Variants in TTC27 observed in about 807,000 individuals in gnomAD.
TTC27 encodes the protein tetratricopeptide repeat domain 27.
A neutral mutation model predicts 115.9 loss-of-function variants in TTC27; 79 were observed. The ratio of observed to expected loss-of-function variants is 0.68; its 90% CI spans 0.57 to 0.82. The LOEUF (loss-of-function observed/expected upper bound fraction) is 0.82, where lower values mean the gene tolerates loss of function less well. Among genes scored for constraint, TTC27 ranks in the 40% least tolerant of loss-of-function variants. The pLI is 0.00. For synonymous variants in TTC27, 401 were observed against 356.0 expected, an observed-to-expected ratio of 1.13 and a Z score of -1.42; for missense variants, 1,054 against 993.1, an observed-to-expected ratio of 1.06 and a Z score of -0.82.
At position 32,732,169 on chromosome 2, in the gene TTC27, A is replaced by G. The variant is rs1291902604; in HGVS notation, c.1234-1659A>G. 2.6e-5 allele frequency among the ~76,000 whole-genome samples: 4 copies of G among 152,348 alleles called. No homozygotes were observed. The East Asian group carries it at 7.7e-4, about 29-fold the overall frequency. ...TTATTTATGTATTGTAACCATATGT[A>G]TGCAGCCAGAAGTTATTCTTCTCTA... On this transcript the variant is annotated intron_variant, in intron 10 of 19. Transcript: ENST00000317907.
chr2:32,629,603 T>TG (rs1648818179), intron 1 of TTC27, among the ~76,000 whole-genome samples: 1 of 30,122 alleles, frequency 3.3e-5, no homozygotes, highest in Non-Finnish European at 7.1e-5. Context: ...ACCAGCTAAT[T>TG]TTTTTTTTTG....
chr2:32,746,667 G>A (rs1392718487), intron 12 of TTC27, among the ~76,000 whole-genome samples: 1 of 151,676 alleles, frequency 6.6e-6, no homozygotes, highest in African/African-American at 2.4e-5. Flanking sequence ...AAGATTTATG[G>A]CCATTCACAT....
chr2:32,719,025 A>G (rs1322660272), intron 10 of TTC27, among the ~76,000 whole-genome samples: 1 of 152,220 alleles, frequency 6.6e-6, no homozygotes, highest in African/African-American at 2.4e-5. Context: ...AGGCATCCAG[A>G]GGAGCTGGTA....
At chr2:32,734,070 C>T (rs902486245) in intron 11 of TTC27, 147 bp downstream of exon 11, 1 of 491,426 alleles carries the variant, frequency 2.0e-6, no homozygotes, top group Non-Finnish European at 3.5e-6. Context: ...TTGCTAACTA[C>T]TTCAAATTGC....
At chr2:32,740,493 A>G (rs576193467) in intron 12 of TTC27, among the ~76,000 whole-genome samples, 1 of 151,690 alleles carries the variant, frequency 6.6e-6, no homozygotes, top group African/African-American at 2.4e-5. Flanking sequence ...ATACAGTTTA[A>G]AAGATTTTCC....
chr2:32,708,177 T>G (rs1016398314), intron 10 of TTC27, among the ~76,000 whole-genome samples: 1 of 151,918 alleles, frequency 6.6e-6, no homozygotes, highest in African/African-American at 2.4e-5. Context: ...CTTTTGCTTC[T>G]CCTCCTCAGC....
At chr2:32,800,507 T>C (rs1410147371) in intron 16 of TTC27, among the ~76,000 whole-genome samples, 1 of 144,396 alleles carries the variant, frequency 6.9e-6, no homozygotes, top group African/African-American at 2.6e-5. Flanking sequence ...TTTTTATCAT[T>C]ATTTTTTTGA....
intron 15 of TTC27, among the ~76,000 whole-genome samples, chr2:32,785,174 G>C (rs952111618): frequency 6.6e-6 from 1 of 152,092 alleles, no homozygotes; most frequent in South Asian, 2.1e-4. Context: ...GTTGTCTTCT[G>C]TCATCTTACT....
intron 12 of TTC27, among the ~76,000 whole-genome samples, chr2:32,751,299 C>T (rs1669004851): frequency 6.8e-6 from 1 of 146,204 alleles, no homozygotes; most frequent in Non-Finnish European, 1.5e-5. Flanking sequence ...CACACACACA[C>T]ACATGCACAC....
At chr2:32,663,279 C>T (rs942166346) in intron 5 of TTC27, among the ~76,000 whole-genome samples, 4 of 152,190 alleles carry the variant, frequency 2.6e-5, no homozygotes, top group African/African-American at 9.7e-5. Flanking sequence ...CAGTTTTGTG[C>T]TTGAAACCCA....
chr2:32,778,206 T>C (rs1670062893), intron 14 of TTC27, among the ~76,000 whole-genome samples: 1 of 152,250 alleles, frequency 6.6e-6, no homozygotes, highest in Admixed American at 6.5e-5. Flanking sequence ...GTTAAAAATA[T>C]ACTTCACTGA....
At chr2:32,681,123 T>G (rs920885217) in intron 9 of TTC27, among the ~76,000 whole-genome samples, 2 of 152,162 alleles carry the variant, frequency 1.3e-5, no homozygotes. Flanking sequence ...GACCTCTTTT[T>G]GGAGGAAAGC....
intron 9 of TTC27, among the ~76,000 whole-genome samples, chr2:32,681,506 C>G (rs1461454337): frequency 6.6e-6 from 1 of 152,096 alleles, no homozygotes; most frequent in Non-Finnish European, 1.5e-5. Flanking sequence ...AAACAGCCCC[C>G]AACTTATGAA....
intron 9 of TTC27, among the ~76,000 whole-genome samples, chr2:32,695,308 G>C (rs754298005): frequency 6.6e-6 from 1 of 152,124 alleles, no homozygotes; most frequent in South Asian, 2.1e-4. Flanking sequence ...TGTAGGCCAG[G>C]TGTGGTGACT....
intron 10 of TTC27, among the ~76,000 whole-genome samples, chr2:32,710,110 A>G (rs1160353309): frequency 6.6e-6 from 1 of 152,012 alleles, no homozygotes; most frequent in Non-Finnish European, 1.5e-5. Flanking sequence ...CTGTGTCTTG[A>G]GTTCAAGTGA....
At chr2:32,819,087 A>C (rs1464286873) in intron 19 of TTC27, among the ~76,000 whole-genome samples, 1 of 152,218 alleles carries the variant, frequency 6.6e-6, no homozygotes, top group Non-Finnish European at 1.5e-5. Context: ...ATCTAATCAA[A>C]GTAGTTTACT....
chr2:32,637,680 A>T (rs1664480562), intron 3 of TTC27, among the ~76,000 whole-genome samples: 1 of 152,058 alleles, frequency 6.6e-6, no homozygotes, highest in South Asian at 2.1e-4. Context: ...GTGCTTTACC[A>T]GTTTGGCTTG....
At chr2:32,650,008 G>A in intron 4 of TTC27, 123 bp from the exon 5 acceptor site, 1 of 743,726 alleles carries the variant, frequency 1.3e-6, no homozygotes, top group Non-Finnish European at 2.2e-6. Flanking sequence ...TAGTGGATGG[G>A]TAATCTTATT....
intron 13 of TTC27, among the ~76,000 whole-genome samples, chr2:32,769,493 G>A (rs1669757060): frequency 6.6e-6 from 1 of 152,058 alleles, no homozygotes; most frequent in Admixed American, 6.5e-5. Flanking sequence ...TACTCAGAGG[G>A]GCAGAAAAGT....
Sources: allele counts gnomAD v4.1 joint callset (sites outside exome capture counted in the v4.1 genomes callset), GRCh38; gene constraint gnomAD v4.1.1; transcripts MANE v1.5; gene names NCBI Gene and HGNC (gene_info 2026-07-23, HGNC 2026-07-21).